The following OXR1 variants were observed in gnomAD, a reference collection of about 807,000 sequenced individuals.
The protein encoded by OXR1 is oxidation resistance protein 1.
In OXR1, 41 loss-of-function variants were observed where a neutral mutation model predicts 104.6. The ratio of observed to expected loss-of-function variants is 0.39; its 90% CI spans 0.31 to 0.51. The LOEUF is 0.51. Ranked by LOEUF, OXR1 falls within the 20% of genes least tolerant of loss-of-function variation. OXR1 has a pLI of 0.77. For missense variants in OXR1, 955 were observed against 1,031.9 expected (o/e 0.93, Z 1.02); for synonymous variants, 348 against 348.4 (o/e 1.00, Z 0.01).
Position 106,565,918 on chromosome 8 carries a change from C to A in OXR1, c.220+46779C>A. Among the ~76,000 whole-genome samples, 2 of 152,100 alleles carry A rather than the reference C, an allele frequency of 1.3e-5. 1 individual carries two copies. Among genetic ancestry groups the A allele is most frequent in the Admixed American group, 1.3e-4 (2 of 15,270 alleles). Reference sequence around the variant, plus strand: ...AATAATGTTGGGAAAACTGACTAACCTTATGCAGAAAACTGAAACTGGTCC... The same window carrying A: ...AATAATGTTGGGAAAACTGACTAACATTATGCAGAAAACTGAAACTGGTCC... On this transcript the variant is annotated intron_variant, in intron 3 of 16. Coordinates refer to ENST00000517566, the MANE Select transcript of OXR1 (RefSeq NM_001198533.2).
Position 106,692,742 on chromosome 8 carries a change from T to C in OXR1, c.540T>C (p.His180=). 6.8e-7 allele frequency: 1 copy of C among 1,480,926 alleles called. No individual in the cohort carries two copies. Among genetic ancestry groups the C allele is most frequent in the Non-Finnish European group, 9.0e-7 (1 of 1,106,854 alleles). The allele number at this position is 1,480,926 out of a possible 1,614,324, so 91.7% of individuals were successfully genotyped here. ...AAAAAAAAAAGAATCCTGATGTCCA[T>C]CCAACAGAAGCAACTCCCTCATCTA... ...EFDKTTNPDV[H]PTEATPSSTF... Residue 180 remains histidine (H), a synonymous_variant, in exon 7 of 17, where the codon CAT becomes CAC. Coordinates refer to ENST00000517566, the MANE Select transcript of OXR1 (RefSeq NM_001198533.2).
chr8:106,303,023 G>A (rs1372003740), intron 1 of OXR1, among the ~76,000 whole-genome samples: 1 of 151,590 alleles, frequency 6.6e-6, no homozygotes, highest in Non-Finnish European at 1.5e-5. Flanking sequence ...AAAGTGCTGG[G>A]ATTACAGGCG....
intron 2 of OXR1, among the ~76,000 whole-genome samples, chr8:106,396,910 T>G (rs1201595773): frequency 1.3e-5 from 2 of 152,200 alleles, no homozygotes; most frequent in Admixed American, 6.6e-5. Flanking sequence ...AAATAAAATT[T>G]TATTTAAAAA....
At chr8:106,652,310 T>G (rs987457484) in intron 3 of OXR1, among the ~76,000 whole-genome samples, 1 of 152,050 alleles carries the variant, frequency 6.6e-6, no homozygotes, top group African/African-American at 2.4e-5. Flanking sequence ...AATTCAGTGA[T>G]GAATGGAAGG....
intron 1 of OXR1, among the ~76,000 whole-genome samples, chr8:106,299,800 T>G (rs1330272950): frequency 6.6e-6 from 1 of 151,474 alleles, no homozygotes; most frequent in Non-Finnish European, 1.5e-5. Flanking sequence ...TCTTAGTGAT[T>G]TAAGGCCTGA....
At chr8:106,311,476 A>G (rs904240591) in intron 1 of OXR1, among the ~76,000 whole-genome samples, 1 of 152,224 alleles carries the variant, frequency 6.6e-6, no homozygotes, top group Non-Finnish European at 1.5e-5. Flanking sequence ...TTTATATACT[A>G]AACTATCATT....
intron 2 of OXR1, among the ~76,000 whole-genome samples, chr8:106,514,767 A>G (rs140409176): frequency 1.2e-3 from 185 of 152,278 alleles, no homozygotes; most frequent in African/African-American, 4.2e-3. Context: ...AATGTAAAAT[A>G]CAAACAGTTT....
chr8:106,730,645 T>A (rs1168868652), intron 11 of OXR1, among the ~76,000 whole-genome samples: 1 of 152,220 alleles, frequency 6.6e-6, no homozygotes, highest in African/African-American at 2.4e-5. Flanking sequence ...GACATTTTGC[T>A]TTCTTCCACC....
At chr8:106,545,330 A>G in intron 3 of OXR1, among the ~76,000 whole-genome samples, 1 of 152,360 alleles carries the variant, frequency 6.6e-6, no homozygotes, top group East Asian at 1.9e-4. Context: ...TGATCTAATG[A>G]CTTAAATAAA....
chr8:106,334,854 C>T (rs971826048), intron 1 of OXR1, among the ~76,000 whole-genome samples: 2 of 152,130 alleles, frequency 1.3e-5, no homozygotes, highest in South Asian at 2.1e-4. Flanking sequence ...CATATTTGAT[C>T]GTATCATCTC....
At chr8:106,743,607 C>T (rs1835126724) in intron 15 of OXR1, among the ~76,000 whole-genome samples, 1 of 152,168 alleles carries the variant, frequency 6.6e-6, no homozygotes, top group Non-Finnish European at 1.5e-5. Flanking sequence ...AGGCGTGAGC[C>T]ACCACGCCCA....
chr8:106,284,656 G>A (rs985666606), intron 1 of OXR1, among the ~76,000 whole-genome samples: 4 of 152,128 alleles, frequency 2.6e-5, no homozygotes, highest in African/African-American at 9.7e-5. Context: ...TGGATAGCAA[G>A]CTTTCAGTTT....
chr8:106,591,797 T>C (rs1443057065), intron 3 of OXR1, among the ~76,000 whole-genome samples: 1 of 152,210 alleles, frequency 6.6e-6, no homozygotes, highest in Admixed American at 6.5e-5. Context: ...ACTCCATTTT[T>C]ACAGAAAGAA....
rs559129303 is a variant in OXR1, at chr8:106,579,740, C to CT, written c.220+60612dup. On this transcript the variant is annotated intron_variant, in intron 3 of 16. Transcript: ENST00000517566. Reference sequence around the variant, plus strand: ...TAAATTCAAGCTGTTTCTGGTCCCACTTTTTTTTTTTAATCACTATGCTAT... The same window carrying CT: ...TAAATTCAAGCTGTTTCTGGTCCCACTTTTTTTTTTTTAATCACTATGCTAT... Among the ~76,000 whole-genome samples, 335 of 147,030 alleles carry CT rather than the reference C, an allele frequency of 2.3e-3. 1 individual carries two copies. The highest frequency in any genetic ancestry group is 6.8e-3 in the African/African-American group (276 of 40,332).
intron 3 of OXR1, among the ~76,000 whole-genome samples, chr8:106,570,331 C>T (rs1817385109): frequency 6.6e-6 from 1 of 151,988 alleles, no homozygotes; most frequent in African/African-American, 2.4e-5. Flanking sequence ...TTGTACTTGC[C>T]GTATTGCATA....
At chr8:106,380,774 C>T (rs1449025829) in intron 2 of OXR1, among the ~76,000 whole-genome samples, 1 of 152,024 alleles carries the variant, frequency 6.6e-6, no homozygotes, top group East Asian at 1.9e-4. Flanking sequence ...AAATGCTATT[C>T]ATATTTTTTG....
At chr8:106,746,632 G>T (rs1005611413) in intron 16 of OXR1, among the ~76,000 whole-genome samples, 1 of 152,140 alleles carries the variant, frequency 6.6e-6, no homozygotes, top group African/African-American at 2.4e-5. Context: ...ATCATCCCAG[G>T]TTATTCTATT....
intron 2 of OXR1, among the ~76,000 whole-genome samples, chr8:106,382,232 T>G (rs947313765): frequency 6.6e-6 from 1 of 152,192 alleles, no homozygotes. Flanking sequence ...AAATGTTAAG[T>G]GTATAGTCCT....
intron 2 of OXR1, among the ~76,000 whole-genome samples, chr8:106,492,368 T>G (rs1204693471): frequency 6.6e-6 from 1 of 152,172 alleles, no homozygotes; most frequent in Non-Finnish European, 1.5e-5. Context: ...AAGCTAAAAC[T>G]TCGGGTAAAG....
Sources: gnomAD v4.1 joint callset for allele counts (sites outside exome capture counted in the v4.1 genomes callset) on GRCh38, gnomAD v4.1.1 for gene constraint, MANE v1.5 for transcripts, NCBI Gene and HGNC (gene_info 2026-07-23, HGNC 2026-07-21) for gene names.